Variants in AFF3 observed in about 807,000 individuals in gnomAD.
AFF3 encodes ALF transcription elongation factor 3, also known as AF4/FMR2 family member 3.
In AFF3, 32 loss-of-function variants were observed where a neutral mutation model predicts 129.7. That is an observed-to-expected ratio of 0.25 (90% confidence interval 0.19 to 0.33). AFF3 has a LOEUF of 0.33. AFF3 is among the 10% of genes least tolerant of loss of function. AFF3 has a pLI of 1.00. For synonymous variants in AFF3, 644 were observed against 635.4 expected (o/e 1.01, Z -0.20); for missense variants, 1,373 against 1,592.0 (o/e 0.86, Z 2.34).
intron 13 of AFF3, among the ~76,000 whole-genome samples, chr2:99,647,763 T>G (rs1253776575): frequency 6.6e-6 from 1 of 152,182 alleles, no homozygotes; most frequent in African/African-American, 2.4e-5. Context: ...CAATTCTGAA[T>G]AGAAAAAGTG....
intron 7 of AFF3, among the ~76,000 whole-genome samples, chr2:99,910,453 C>T (rs1695032195): frequency 1.3e-5 from 2 of 152,210 alleles, no homozygotes; most frequent in Non-Finnish European, 2.9e-5. Flanking sequence ...TCCACTGCTA[C>T]TGTACTTCAT....
chr2:99,690,005 T>C (rs2104646027), intron 11 of AFF3, among the ~76,000 whole-genome samples: 1 of 149,676 alleles, frequency 6.7e-6, no homozygotes, highest in Admixed American at 6.6e-5. Context: ...GAGAATTGCT[T>C]GAACCTGGGA....
At chr2:99,826,819 C>T (rs1688118105) in intron 8 of AFF3, among the ~76,000 whole-genome samples, 1 of 152,128 alleles carries the variant, frequency 6.6e-6, no homozygotes, top group Non-Finnish European at 1.5e-5. Context: ...CAAACCTATG[C>T]TTTGGAAAGT....
Position 100,058,284 on chromosome 2 carries a change from C to T in AFF3, c.53+46118G>A, listed in dbSNP as rs145198535. Among the ~76,000 whole-genome samples, 464 of 152,280 alleles carry T rather than the reference C, an allele frequency of 3.0e-3. 1 individual carries two copies. The highest frequency in any genetic ancestry group is 0.01 in the Middle Eastern group (3 of 294). ...TAAATGGCAGGTACAGCACTTACCA[C>T]GGGTCTTCTGCACTCTAAGTTCAAG... On this transcript the variant is annotated intron_variant, in intron 4 of 24. Coordinates refer to ENST00000672756, the MANE Select transcript of AFF3 (RefSeq NM_001386135.1).
intron 20 of AFF3, among the ~76,000 whole-genome samples, chr2:99,563,381 G>A (rs1204642196): frequency 1.7e-4 from 26 of 151,522 alleles, no homozygotes; most frequent in East Asian, 4.0e-4. Context: ...TAGTAGAGAC[G>A]GGGTTTCATC....
intron 14 of AFF3, 49 bp from the exon 15 acceptor site, chr2:99,594,338 C>G (rs909212256): frequency 3.2e-6 from 5 of 1,557,866 alleles, no homozygotes; most frequent in South Asian, 1.2e-5. Flanking sequence ...ATTACAGGCT[C>G]ACTTAAAAGG....
At chr2:100,042,955 C>T (rs1007264216) in intron 4 of AFF3, among the ~76,000 whole-genome samples, 5 of 151,958 alleles carry the variant, frequency 3.3e-5, no homozygotes, top group Non-Finnish European at 7.4e-5. Context: ...GGCATAAATA[C>T]CAGATATATG....
intron 7 of AFF3, among the ~76,000 whole-genome samples, chr2:99,898,852 C>T (rs968502492): frequency 6.6e-6 from 1 of 152,232 alleles, no homozygotes. Context: ...GGGGCTCTCT[C>T]GCTTTGGCCA....
At chr2:100,113,574 G>T (rs1057015940) in intron 2 of AFF3, among the ~76,000 whole-genome samples, 1 of 152,172 alleles carries the variant, frequency 6.6e-6, no homozygotes, top group African/African-American at 2.4e-5. Flanking sequence ...AAGTGAATAG[G>T]GGGGAATGGA....
At chr2:99,842,993 C>G (rs6730034) in intron 7 of AFF3, among the ~76,000 whole-genome samples, 8 of 152,334 alleles carry the variant, frequency 5.3e-5, no homozygotes, top group Non-Finnish European at 7.4e-5. Context: ...CTTTGTTTAT[C>G]TTCAAGCACT....
intron 13 of AFF3, among the ~76,000 whole-genome samples, chr2:99,646,465 C>T (rs568361170): frequency 6.6e-6 from 1 of 152,132 alleles, no homozygotes; most frequent in Non-Finnish European, 1.5e-5. Context: ...ATGAGCTAAT[C>T]ATTATGAAAT....
At chr2:99,676,389 C>T (rs529062885) in intron 11 of AFF3, among the ~76,000 whole-genome samples, 1 of 152,268 alleles carries the variant, frequency 6.6e-6, no homozygotes, top group South Asian at 2.1e-4. Context: ...GGGCTGTGGA[C>T]CGTGGTAGTC....
chr2:99,874,085 G>A (rs754913625), intron 7 of AFF3, among the ~76,000 whole-genome samples: 97 of 152,282 alleles, frequency 6.4e-4, no homozygotes, highest in Non-Finnish European at 1.2e-3. Flanking sequence ...GCTGAGGCAG[G>A]AGAATAGCGT....
chr2:99,695,747 G>C (rs748860476), intron 11 of AFF3, among the ~76,000 whole-genome samples: 15 of 151,810 alleles, frequency 9.9e-5, no homozygotes, highest in Non-Finnish European at 1.5e-4. Flanking sequence ...GTAAGCGATG[G>C]GATTTCATTT....
intron 8 of AFF3, among the ~76,000 whole-genome samples, chr2:99,813,893 C>T (rs1297150124): frequency 1.3e-5 from 2 of 152,210 alleles, no homozygotes; most frequent in African/African-American, 4.8e-5. Context: ...GCTGACCCTA[C>T]CAAGTTGAGT....
intron 4 of AFF3, among the ~76,000 whole-genome samples, chr2:100,075,086 T>C (rs1688485169): frequency 6.6e-6 from 1 of 152,178 alleles, no homozygotes; most frequent in Admixed American, 6.5e-5. Context: ...CCAAAGAGTA[T>C]TACAGCTTTC....
intron 8 of AFF3, among the ~76,000 whole-genome samples, chr2:99,771,574 T>TA (rs1272784330): frequency 2.0e-5 from 3 of 152,160 alleles, no homozygotes; most frequent in Non-Finnish European, 4.4e-5. Flanking sequence ...CAAAAGCATT[T>TA]TAAAGGTCAC....
At chr2:99,770,356 G>T (rs954774082) in intron 8 of AFF3, among the ~76,000 whole-genome samples, 2 of 152,164 alleles carry the variant, frequency 1.3e-5, no homozygotes, top group African/African-American at 2.4e-5. Context: ...AGTGCTGCCT[G>T]GCCTGGGACT....
intron 7 of AFF3, among the ~76,000 whole-genome samples, chr2:99,872,593 CAAAAA>C (rs374480970): frequency 0.14 from 17,141 of 120,772 alleles, 1,231 homozygotes; most frequent in Admixed American, 0.25. Flanking sequence ...ATGCTTCTTA[CAAAAA>C]TAAAATAAAA....
Sources: gnomAD v4.1 joint callset for allele counts (sites outside exome capture counted in the v4.1 genomes callset) on GRCh38, gnomAD v4.1.1 for gene constraint, MANE v1.5 for transcripts, NCBI Gene and HGNC (gene_info 2026-07-23, HGNC 2026-07-21) for gene names.